GARIN2: variants seen among roughly 807,000 people sequenced by gnomAD.
GARIN2 encodes Golgi-associated RAB2 interactor protein 2.
At chr14:67,201,598 C>G in the GARIN2 span, 6 of 452,762 alleles carry the variant, frequency 1.3e-5, no homozygotes, top group East Asian at 4.2e-4. Flanking sequence ...ACTGCTGAAA[C>G]CAGTCACTGG....
chr14:67,221,928 T>G, the GARIN2 span: 6 of 1,229,616 alleles, frequency 4.9e-6, no homozygotes, highest in Non-Finnish European at 5.7e-6. Context: ...TTTGATGCAT[T>G]TCCTTTCTTC....
the GARIN2 span, among the ~76,000 whole-genome samples, chr14:67,213,268 C>T: frequency 6.7e-6 from 1 of 148,842 alleles, no homozygotes; most frequent in Non-Finnish European, 1.5e-5. Flanking sequence ...CACCCATTAA[C>T]TCGTCATTTA....
chr14:67,227,687 G>C, the GARIN2 span: 1 of 151,976 alleles, frequency 6.6e-6, no homozygotes, highest in South Asian at 2.1e-4. Context: ...CCAAATCTTA[G>C]GACTCAGTAC....
chr14:67,213,509 GC>G, the GARIN2 span, among the ~76,000 whole-genome samples: 2 of 151,158 alleles, frequency 1.3e-5, no homozygotes, highest in Non-Finnish European at 3.0e-5. Context: ...ATTTTTTATG[GC>G]TGCATAGTAT....
At chr14:67,200,190 T>A in the GARIN2 span, 3 of 1,148,702 alleles carry the variant, frequency 2.6e-6, no homozygotes, top group South Asian at 4.9e-5. Context: ...GTGGACTTCC[T>A]CCACTGATGC....
At chr14:67,209,754 G>C in the GARIN2 span, among the ~76,000 whole-genome samples, 2 of 150,146 alleles carry the variant, frequency 1.3e-5, no homozygotes, top group Non-Finnish European at 3.0e-5. Flanking sequence ...GGAGACTGAG[G>C]TTGCAGTGAG....
At chr14:67,199,307 C>G in the GARIN2 span, 2 of 1,608,520 alleles carry the variant, frequency 1.2e-6, no homozygotes, top group Non-Finnish European at 1.7e-6. Context: ...CTATGGGAAG[C>G]CAATACGGGT....
chr14:67,200,058 A>G, the GARIN2 span: 1 of 921,458 alleles, frequency 1.1e-6, no homozygotes, highest in Non-Finnish European at 1.7e-6. Flanking sequence ...GGGGACAGCC[A>G]CCACCCCAAC....
At chr14:67,226,766 C>T in the GARIN2 span, among the ~76,000 whole-genome samples, 1 of 152,192 alleles carries the variant, frequency 6.6e-6, no homozygotes, top group Admixed American at 6.5e-5. Flanking sequence ...GTCCACACTC[C>T]ATAATTCCCT....
chr14:67,223,918 G>A, the GARIN2 span: 1 of 985,080 alleles, frequency 1.0e-6, no homozygotes, highest in Non-Finnish European at 1.2e-6. Flanking sequence ...TTTATTAAAT[G>A]TAATTGGAGT....
the GARIN2 span, among the ~76,000 whole-genome samples, chr14:67,201,250 C>A: frequency 6.6e-6 from 1 of 152,148 alleles, no homozygotes; most frequent in Non-Finnish European, 1.5e-5. Context: ...GCTAGGATGG[C>A]GCTACTGCAC....
the GARIN2 span, among the ~76,000 whole-genome samples, chr14:67,222,736 GA>G: frequency 1.4e-4 from 21 of 152,150 alleles, no homozygotes; most frequent in Non-Finnish European, 5.9e-5. Context: ...TCTCTTTGCT[GA>G]GTGCTGAACC....
At chr14:67,216,207 C>T in the GARIN2 span, among the ~76,000 whole-genome samples, 1 of 151,976 alleles carries the variant, frequency 6.6e-6, no homozygotes, top group Non-Finnish European at 1.5e-5. Context: ...AAGATTTACT[C>T]CTTGTGTTGT....
chr14:67,203,131 G>T, the GARIN2 span: 27 of 1,613,488 alleles, frequency 1.7e-5, no homozygotes, highest in Non-Finnish European at 2.1e-5. Flanking sequence ...CTTCATAACC[G>T]AGCCAACTGG....
At chr14:67,209,459 T>A in the GARIN2 span, among the ~76,000 whole-genome samples, 2 of 152,096 alleles carry the variant, frequency 1.3e-5, no homozygotes, top group South Asian at 2.1e-4. Flanking sequence ...CAATTACAAA[T>A]CTCTGCCAAA....
At chr14:67,214,842 T>C in the GARIN2 span, among the ~76,000 whole-genome samples, 3 of 152,260 alleles carry the variant, frequency 2.0e-5, no homozygotes, top group East Asian at 3.9e-4. Flanking sequence ...TTGATTTCAT[T>C]GAGCAGTGGT....
the GARIN2 span, among the ~76,000 whole-genome samples, chr14:67,198,493 G>C: frequency 6.6e-6 from 1 of 152,158 alleles, no homozygotes; most frequent in Non-Finnish European, 1.5e-5. Context: ...AATGTTAAAG[G>C]ACATTTACTT....
chr14:67,192,869 GATAT>G, the GARIN2 span, among the ~76,000 whole-genome samples: 1 of 141,312 alleles, frequency 7.1e-6, no homozygotes, highest in Non-Finnish European at 1.5e-5. Context: ...GATATATATA[GATAT>G]ATAGATATAT....
At chr14:67,216,256 T>A in the GARIN2 span, among the ~76,000 whole-genome samples, 1 of 152,192 alleles carries the variant, frequency 6.6e-6, no homozygotes, top group Non-Finnish European at 1.5e-5. Context: ...GATTTTGTCA[T>A]CTATATTCAT....
Sources: gnomAD v4.1 joint callset for allele counts (sites outside exome capture counted in the v4.1 genomes callset) on GRCh38, gnomAD v4.1.1 for gene constraint, MANE v1.5 for transcripts, NCBI Gene and HGNC (gene_info 2026-07-23, HGNC 2026-07-21) for gene names.